Variants in GSAP observed in about 807,000 individuals in gnomAD.
The protein encoded by GSAP is gamma-secretase-activating protein.
In GSAP, 118 loss-of-function variants were observed where a neutral mutation model predicts 131.7. That is an observed-to-expected ratio of 0.90 (90% confidence interval 0.77 to 1.04). The LOEUF is 1.04. Ranked by LOEUF, GSAP falls within the 50% of genes least tolerant of loss-of-function variation. The probability of loss-of-function intolerance (pLI) is 0.00; values close to 1 mark genes in which losing one functional copy is unlikely to be tolerated. For synonymous variants in GSAP, 381 were observed against 363.4 expected, an observed-to-expected ratio of 1.05 and a Z score of -0.55; for missense variants, 1,019 against 1,013.2, an observed-to-expected ratio of 1.01 and a Z score of -0.08.
chr7:77,349,307 T>G (rs780465192), intron 19 of GSAP, 44 bp downstream of exon 19: 2 of 1,417,754 alleles, frequency 1.4e-6, no homozygotes, highest in African/African-American at 2.8e-5. Flanking sequence ...AGCAGAGCTT[T>G]AGTCATGTAT....
At chr7:77,338,273 G>C (rs1371711680) in intron 19 of GSAP, among the ~76,000 whole-genome samples, 1 of 152,044 alleles carries the variant, frequency 6.6e-6, no homozygotes, top group Non-Finnish European at 1.5e-5. Context: ...GTTTACAAAG[G>C]GATAAAATCA....
chr7:77,405,907 CCAA>C (rs1802183527), intron 2 of GSAP, 119 bp downstream of exon 2: 1 of 349,488 alleles, frequency 2.9e-6, no homozygotes, highest in Non-Finnish European at 4.9e-6. Flanking sequence ...AGATTAAATG[CCAA>C]CAAGTTTATT....
In GSAP at chr7:77,330,288, T is replaced by A; in HGVS notation, c.1625A>T (p.Tyr542Phe). 1 of 1,613,966 alleles carries A rather than the reference T, an allele frequency of 6.2e-7. No individual in the cohort carries two copies. Among genetic ancestry groups the A allele is most frequent in the Non-Finnish European group, 8.5e-7 (1 of 1,179,870 alleles). Residue 542 changes from tyrosine to phenylalanine, a missense_variant, in exon 20 of 31, where the codon TAT becomes TTT. Transcript: ENST00000257626. ...YVKYAKPHFH[Y>F]NNSVVRREWH... ...CTCTCTCCTGACCACACTGTTGTTA[T>A]AGTGGAAGTGTGGCTTGGCGTACTT...
chr7:77,365,064 A>G (rs1030860297), intron 12 of GSAP, among the ~76,000 whole-genome samples: 1 of 152,108 alleles, frequency 6.6e-6, no homozygotes. Context: ...AGGCTCAAAC[A>G]ATCCTCCCAC....
chr7:77,369,569 A>AT (rs1795815455), intron 12 of GSAP, among the ~76,000 whole-genome samples: 1 of 152,226 alleles, frequency 6.6e-6, no homozygotes, highest in Non-Finnish European at 1.5e-5. Context: ...AATGTCAAAT[A>AT]TTATTATATC....
At position 77,323,713 on chromosome 7, in the gene GSAP, C is replaced by CA; in HGVS notation, c.1856dup (p.Leu619PhefsTer13). 4 of 1,599,666 alleles carry CA rather than the reference C, an allele frequency of 2.5e-6. No homozygotes were observed. Among genetic ancestry groups the CA allele is most frequent in the South Asian group, 1.1e-5 (1 of 90,048 alleles). On this transcript the variant is annotated frameshift_variant, in exon 24 of 31. Transcript: ENST00000257626. LOFTEE classifies it high-confidence loss of function. ...TCTTTTCTACACCCTGTAGGTGTCT[C>CA]AAAAAATGGTCTTTTAGCTCAGACA... is the stretch of plus-strand genomic sequence containing the variant.
At chr7:77,329,654 T>C (rs1457273887) in intron 20 of GSAP, 2 of 246,180 alleles carry the variant, frequency 8.1e-6, no homozygotes, top group East Asian at 7.7e-5. Flanking sequence ...AGAGATGCAA[T>C]GTACCCTCCA....
intron 28 of GSAP, 144 bp downstream of exon 28, chr7:77,313,344 G>A (rs184799910): frequency 1.6e-4 from 94 of 592,946 alleles, no homozygotes; most frequent in Non-Finnish European, 2.1e-4. Flanking sequence ...GGCTGGGGAC[G>A]GGTGGGATTT....
chr7:77,321,539 T>C, intron 24 of GSAP, 136 bp from the exon 25 acceptor site: 1 of 642,104 alleles, frequency 1.6e-6, no homozygotes, highest in South Asian at 1.8e-5. Context: ...AACTAGCCTT[T>C]CTGAGGTCAA....
intron 12 of GSAP, among the ~76,000 whole-genome samples, chr7:77,372,732 G>A (rs1354581347): frequency 6.6e-6 from 1 of 152,200 alleles, no homozygotes; most frequent in Non-Finnish European, 1.5e-5. Context: ...AAAATAAATT[G>A]TATAGTAACA....
At chr7:77,354,079 G>A (rs1251493160) in intron 16 of GSAP, among the ~76,000 whole-genome samples, 1 of 152,134 alleles carries the variant, frequency 6.6e-6, no homozygotes, top group Non-Finnish European at 1.5e-5. Flanking sequence ...GAGCATCACT[G>A]TACTGCCTCC....
At chr7:77,385,718 G>A (rs1302141714) in intron 6 of GSAP, among the ~76,000 whole-genome samples, 3 of 152,130 alleles carry the variant, frequency 2.0e-5, no homozygotes, top group South Asian at 2.1e-4. Flanking sequence ...CAGGAGTGGC[G>A]GGGAAATGCG....
chr7:77,401,621 A>G (rs1308823167), intron 3 of GSAP, among the ~76,000 whole-genome samples: 1 of 152,224 alleles, frequency 6.6e-6, no homozygotes, highest in African/African-American at 2.4e-5. Context: ...GAGAAAGGAC[A>G]TGATAAAAGA....
At chr7:77,398,275 T>C (rs1800763720) in intron 3 of GSAP, among the ~76,000 whole-genome samples, 2 of 152,180 alleles carry the variant, frequency 1.3e-5, no homozygotes, top group South Asian at 4.1e-4. Flanking sequence ...ACCAGACCCC[T>C]ATAGCTAGAA....
chr7:77,372,644 AATG>A (rs1220502464), intron 12 of GSAP, among the ~76,000 whole-genome samples: 6 of 152,222 alleles, frequency 3.9e-5, no homozygotes, highest in African/African-American at 1.4e-4. Context: ...AAATACTGTA[AATG>A]ATATGATTGT....
At chr7:77,365,243 C>A (rs1393958332) in intron 12 of GSAP, among the ~76,000 whole-genome samples, 2 of 152,016 alleles carry the variant, frequency 1.3e-5, no homozygotes, top group Non-Finnish European at 2.9e-5. Context: ...TTTTTAACTT[C>A]TATTTTCAGT....
In GSAP at chr7:77,355,535, G is replaced by C; in HGVS notation, c.1120+20C>G. 6.3e-7 allele frequency: 1 copy of C among 1,577,330 alleles called. No individual in the cohort carries two copies. Among genetic ancestry groups the C allele is most frequent in the African/African-American group, 1.4e-5 (1 of 73,984 alleles). ...AAACTCAAATGGGCCACCTCTACAA[G>C]AGAAAAACTATAGCCGTACCTGTCA... On this transcript the variant is annotated intron_variant, in intron 15 of 30. Coordinates refer to ENST00000257626, the MANE Select transcript of GSAP (RefSeq NM_017439.4).
At chr7:77,414,636 TCA>T (rs1237460267) in intron 1 of GSAP, among the ~76,000 whole-genome samples, 2 of 152,046 alleles carry the variant, frequency 1.3e-5, no homozygotes, top group Non-Finnish European at 2.9e-5. Flanking sequence ...TCCCAGTGGG[TCA>T]CACACAGCTT....
chr7:77,355,302 G>GA lies in GSAP; in HGVS notation c.1248dup (p.Leu417SerfsTer9), dbSNP rs775844461. ...TCACAGTCTAAGCAAGTGTTCTGCA[G>GA]AAGCTGTAATAAAGACGACTGGCTG... On this transcript the variant is annotated frameshift_variant, in exon 16 of 31. Coordinates refer to ENST00000257626, the MANE Select transcript of GSAP (RefSeq NM_017439.4). LOFTEE classifies it high-confidence loss of function. The GA allele has an allele frequency of 6.2e-7, 1 of 1,613,940 alleles. No homozygotes were observed. Among genetic ancestry groups the GA allele is most frequent in the Admixed American group, 1.7e-5 (1 of 60,020 alleles).
Sources: allele counts gnomAD v4.1 joint callset (sites outside exome capture counted in the v4.1 genomes callset), GRCh38; gene constraint gnomAD v4.1.1; transcripts MANE v1.5; gene names NCBI Gene and HGNC (gene_info 2026-07-23, HGNC 2026-07-21).